Variants in PPM1H observed in about 807,000 individuals in gnomAD.
The protein encoded by PPM1H is protein phosphatase, Mg2+/Mn2+ dependent 1H, also known as protein phosphatase 1H.
A neutral mutation model predicts 54.9 loss-of-function variants in PPM1H; 27 were observed. The ratio of observed to expected loss-of-function variants is 0.49; its 90% CI spans 0.36 to 0.68. PPM1H has a LOEUF of 0.68. Among genes scored for constraint, PPM1H ranks in the 30% least tolerant of loss-of-function variants. PPM1H has a pLI of 0.00. For synonymous variants in PPM1H, 305 were observed against 270.8 expected (o/e 1.13, Z -1.24); for missense variants, 596 against 667.8 (o/e 0.89, Z 1.19).
chr12:62,777,335 G>A (rs1360730449), intron 4 of PPM1H, among the ~76,000 whole-genome samples: 1 of 152,144 alleles, frequency 6.6e-6, no homozygotes, highest in Non-Finnish European at 1.5e-5. Context: ...ATGGATGCCT[G>A]ACTGCCTGCC....
At chr12:62,760,008 A>G (rs1292400414) in intron 4 of PPM1H, among the ~76,000 whole-genome samples, 1 of 151,886 alleles carries the variant, frequency 6.6e-6, no homozygotes, top group Admixed American at 6.6e-5. Context: ...TCCACCCTCC[A>G]TTCTTCCTTC....
intron 4 of PPM1H, among the ~76,000 whole-genome samples, chr12:62,764,291 G>A (rs1412261826): frequency 6.6e-6 from 1 of 152,164 alleles, no homozygotes; most frequent in Non-Finnish European, 1.5e-5. Flanking sequence ...ATATTGCCAG[G>A]AGGGGGATAT....
chr12:62,916,380 A>G (rs1203632974), intron 1 of PPM1H, among the ~76,000 whole-genome samples: 1 of 152,230 alleles, frequency 6.6e-6, no homozygotes, highest in Non-Finnish European at 1.5e-5. Context: ...CAATCTAAAC[A>G]TCTTCTGTTT....
intron 4 of PPM1H, among the ~76,000 whole-genome samples, chr12:62,758,917 C>T (rs2076490664): frequency 2.0e-5 from 3 of 152,062 alleles, no homozygotes; most frequent in Non-Finnish European, 2.9e-5. Context: ...TTGTTTCTGC[C>T]CCACCCTAAC....
At chr12:62,852,319 T>C (rs1027064897) in intron 1 of PPM1H, among the ~76,000 whole-genome samples, 6 of 151,610 alleles carry the variant, frequency 4.0e-5, no homozygotes, top group African/African-American at 1.2e-4. Context: ...TTGGTGCCTT[T>C]ATAAGAGAAA....
At chr12:62,774,370 T>TTA (rs370833813) in intron 4 of PPM1H, among the ~76,000 whole-genome samples, 2 of 151,666 alleles carry the variant, frequency 1.3e-5, no homozygotes, top group Non-Finnish European at 2.9e-5. Context: ...TTTCCTTTTT[T>TTA]GAGATATTTT....
chr12:62,866,618 T>C (rs779839445), intron 1 of PPM1H, among the ~76,000 whole-genome samples: 32 of 152,130 alleles, frequency 2.1e-4, no homozygotes, highest in Non-Finnish European at 3.8e-4. Flanking sequence ...CCATTTCAGA[T>C]AGGATCCTCC....
intron 1 of PPM1H, among the ~76,000 whole-genome samples, chr12:62,893,637 G>T (rs1186190272): frequency 2.6e-5 from 4 of 151,404 alleles, no homozygotes; most frequent in African/African-American, 7.3e-5. Flanking sequence ...GTGTGTGTGC[G>T]GGGGGGAGGG....
At chr12:62,820,364 TAAAAGTCC>T (rs1302532435) in intron 2 of PPM1H, among the ~76,000 whole-genome samples, 2 of 152,118 alleles carry the variant, frequency 1.3e-5, no homozygotes. Flanking sequence ...TTCTGCAACT[TAAAAGTCC>T]CTGTCTATGA....
At chr12:62,803,359 A>C (rs1203566809) in intron 2 of PPM1H, among the ~76,000 whole-genome samples, 1 of 152,230 alleles carries the variant, frequency 6.6e-6, no homozygotes, top group Non-Finnish European at 1.5e-5. Context: ...ATTATGACAT[A>C]GCTGATAGAA....
chr12:62,751,205 T>C (rs990819291), intron 4 of PPM1H, among the ~76,000 whole-genome samples: 4 of 152,220 alleles, frequency 2.6e-5, no homozygotes, highest in Non-Finnish European at 4.4e-5. Context: ...AAGCAATTTC[T>C]TCACTAATAC....
chr12:62,699,110 G>C (rs1364066735), intron 6 of PPM1H, among the ~76,000 whole-genome samples: 1 of 152,174 alleles, frequency 6.6e-6, no homozygotes, highest in Non-Finnish European at 1.5e-5. Context: ...GGCATGTGAA[G>C]GAAAGCAATT....
At chr12:62,831,357 C>T (rs542235506) in intron 2 of PPM1H, among the ~76,000 whole-genome samples, 12 of 152,080 alleles carry the variant, frequency 7.9e-5, no homozygotes, top group African/African-American at 1.9e-4. Context: ...AATGACTCCC[C>T]GTCCTTTGCT....
At chr12:62,929,420 G>C (rs556035309) in intron 1 of PPM1H, among the ~76,000 whole-genome samples, 1 of 152,282 alleles carries the variant, frequency 6.6e-6, no homozygotes, top group South Asian at 2.1e-4. Context: ...AAAGGCACCA[G>C]AGTTTATTTC....
At chr12:62,819,020 T>C (rs2076886556) in intron 2 of PPM1H, among the ~76,000 whole-genome samples, 2 of 151,990 alleles carry the variant, frequency 1.3e-5, no homozygotes, top group South Asian at 4.2e-4. Flanking sequence ...GGGGTTTCAC[T>C]GTTTTGCCCA....
At chr12:62,853,139 G>A (rs1182745341) in intron 1 of PPM1H, among the ~76,000 whole-genome samples, 1 of 152,098 alleles carries the variant, frequency 6.6e-6, no homozygotes, top group African/African-American at 2.4e-5. Context: ...GAAGTTTCTC[G>A]GGGGCAATAA....
intron 1 of PPM1H, among the ~76,000 whole-genome samples, chr12:62,839,494 T>C (rs1207185737): frequency 6.6e-6 from 1 of 152,142 alleles, no homozygotes; most frequent in Non-Finnish European, 1.5e-5. Context: ...ATGACTATAA[T>C]CAGCTGGACC....
At chr12:62,755,972 C>A in intron 4 of PPM1H, 2 of 1,107,640 alleles carry the variant, frequency 1.8e-6, no homozygotes, top group South Asian at 1.3e-5. Context: ...GAACTGCTGT[C>A]TGGAAAAACT....
intron 6 of PPM1H, 42 bp from the exon 7 acceptor site, chr12:62,694,041 A>G (rs2270481): frequency 0.057 from 87,914 of 1,548,698 alleles, 4,140 homozygotes; most frequent in East Asian, 0.27. Flanking sequence ...TTTGCACTCA[A>G]TTAGTGACCT....
Sources: gnomAD v4.1 joint callset for allele counts (sites outside exome capture counted in the v4.1 genomes callset) on GRCh38, gnomAD v4.1.1 for gene constraint, MANE v1.5 for transcripts, NCBI Gene and HGNC (gene_info 2026-07-23, HGNC 2026-07-21) for gene names.